The following RXRG variants were observed in gnomAD, a reference collection of about 807,000 sequenced individuals.
RXRG encodes the protein retinoid X receptor gamma, also known as retinoic acid receptor RXR-gamma.
A neutral mutation model predicts 49.2 loss-of-function variants in RXRG; 19 were observed. The ratio of observed to expected loss-of-function variants is 0.39; its 90% CI spans 0.27 to 0.57. RXRG has a LOEUF of 0.57. Among genes scored for constraint, RXRG ranks in the 20% least tolerant of loss-of-function variants. The probability of loss-of-function intolerance (pLI) is 0.64; values close to 1 mark genes in which losing one functional copy is unlikely to be tolerated. For missense variants in RXRG, 452 were observed against 592.5 expected (o/e 0.76, Z 2.46); for synonymous variants, 224 against 216.6 (o/e 1.03, Z -0.30).
intron 1 of RXRG, among the ~76,000 whole-genome samples, chr1:165,443,840 C>T (rs1659077907): frequency 6.6e-6 from 1 of 152,204 alleles, no homozygotes. Context: ...CGGAGGAAGT[C>T]TGGAGAGCAG....
At chr1:165,420,387 A>G (rs771921797) in intron 2 of RXRG, among the ~76,000 whole-genome samples, 52 of 152,212 alleles carry the variant, frequency 3.4e-4, no homozygotes, top group Admixed American at 8.5e-4. Flanking sequence ...CTGCCTATTC[A>G]GCCGTGCTGC....
At chr1:165,409,389 T>C (rs1657861060) in intron 7 of RXRG, among the ~76,000 whole-genome samples, 169 bp downstream of exon 7, 1 of 152,180 alleles carries the variant, frequency 6.6e-6, no homozygotes, top group African/African-American at 2.4e-5. Flanking sequence ...TAGTGGTCTC[T>C]GCATGGTCAT....
chr1:165,444,577 A>T (rs895192435), intron 1 of RXRG, among the ~76,000 whole-genome samples: 3 of 152,040 alleles, frequency 2.0e-5, no homozygotes, highest in Non-Finnish European at 4.4e-5. Context: ...ACACATTCTC[A>T]AGCATGTTGG....
At chr1:165,436,414 C>G (rs1658816698) in intron 1 of RXRG, among the ~76,000 whole-genome samples, 1 of 152,120 alleles carries the variant, frequency 6.6e-6, no homozygotes, top group South Asian at 2.1e-4. Flanking sequence ...TAAAATCAAG[C>G]CTGGAAAATT....
intron 4 of RXRG, among the ~76,000 whole-genome samples, chr1:165,414,780 C>A (rs892041732): frequency 1.3e-5 from 2 of 152,172 alleles, no homozygotes; most frequent in Non-Finnish European, 2.9e-5. Context: ...ATGCTCCAAT[C>A]TGTAACATCA....
Position 165,444,902 on chromosome 1 carries a change from G to T in RXRG, c.-9C>A, listed in dbSNP as rs757745078. On this transcript the variant is annotated 5_prime_UTR_variant, in exon 1 of 10. Transcript: ENST00000359842. Reference sequence around the variant, plus strand: ...GAATAATTTCCATACATGTTTACTCGTCAGTTCATGTTCCTCTCCTGTGCA... The same window carrying T: ...GAATAATTTCCATACATGTTTACTCTTCAGTTCATGTTCCTCTCCTGTGCA... The T allele has an allele frequency of 2.1e-5, 34 of 1,609,110 alleles. No homozygotes were observed. Among genetic ancestry groups the T allele is most frequent in the Admixed American group, 3.3e-5 (2 of 59,952 alleles).
chr1:165,423,551 G>T (rs157873), intron 2 of RXRG, among the ~76,000 whole-genome samples: 85,242 of 152,058 alleles, frequency 0.56, 25,095 homozygotes, highest in African/African-American at 0.74. Flanking sequence ...TCTTATAGTG[G>T]CACAGCCTTA....
rs1167361136 is a variant in RXRG at position 165,428,889 on chromosome 1, G to A, written c.127C>T (p.Pro43Ser). 6.2e-7 allele frequency: 1 copy of A among 1,614,046 alleles called. No homozygotes were observed. The highest frequency in any genetic ancestry group is 1.1e-5 in the South Asian group (1 of 91,042). Residue 43 changes from proline to serine, a missense_variant, in exon 2 of 10, where the codon CCC (proline) becomes TCC (serine). Pro to Ser is a moderately conservative substitution (Grantham distance 74, BLOSUM62 -1). Around this residue, in one of 2 missense-constraint regions of RXRG, gnomAD observed 166 missense variants for 151.7 expected, o/e 1.09. Coordinates refer to ENST00000359842, the MANE Select transcript of RXRG (RefSeq NM_006917.5). ...LSTGKPMDSH[P>S]SYTDTPVSAP... is the part of the protein sequence containing the mutation. ...CTCACTGGGGTATCTGTGTAGCTGG[G>A]GTGGCTGTCCATTGGCTTCCCTGTG...
chr1:165,418,998 T>G lies in RXRG; in HGVS notation c.442+872A>C, dbSNP rs553557147. Among the ~76,000 whole-genome samples the G allele has an allele frequency of 2.6e-5, 4 of 152,356 alleles. No individual in the cohort carries two copies. In the East Asian group the frequency reaches 7.7e-4, roughly 29 times the overall value. On this transcript the variant is annotated intron_variant, in intron 3 of 9. Coordinates refer to ENST00000359842, the MANE Select transcript of RXRG (RefSeq NM_006917.5). ...TTAAGAGTATAAGGAAATATTCAGT[T>G]AGCCATCATGGACAGCTATAGAAAA...
intron 2 of RXRG, chr1:165,424,989 T>G: frequency 5.1e-6 from 5 of 983,362 alleles, no homozygotes; most frequent in Non-Finnish European, 6.0e-6. Flanking sequence ...GCTGCTGAGC[T>G]TCCCCAGCAC....
intron 2 of RXRG, among the ~76,000 whole-genome samples, chr1:165,426,178 G>T (rs1658480403): frequency 6.6e-6 from 1 of 152,186 alleles, no homozygotes; most frequent in Non-Finnish European, 1.5e-5. Context: ...CCTGCACAAG[G>T]GTCAAAATAT....
intron 1 of RXRG, among the ~76,000 whole-genome samples, chr1:165,441,117 C>T (rs181783643): frequency 6.6e-6 from 1 of 152,326 alleles, no homozygotes; most frequent in East Asian, 1.9e-4. Flanking sequence ...TTCTCTATGG[C>T]TATTTTCAAG....
intron 7 of RXRG, among the ~76,000 whole-genome samples, 198 bp downstream of exon 7, chr1:165,409,360 G>C (rs1188129072): frequency 6.6e-6 from 1 of 152,062 alleles, no homozygotes; most frequent in Non-Finnish European, 1.5e-5. Flanking sequence ...CATTCCCCAG[G>C]TTTATAGTTT....
intron 1 of RXRG, among the ~76,000 whole-genome samples, chr1:165,441,733 G>C (rs1009249946): frequency 6.6e-6 from 1 of 152,116 alleles, no homozygotes; most frequent in Non-Finnish European, 1.5e-5. Flanking sequence ...TGGATGGGGG[G>C]GATTACAGGC....
rs774734864 is a variant in RXRG at position 165,408,323 on chromosome 1, T to C, written c.1047-5A>G. ...GAAACCAGCTCAGTTAGGACTCTGTTAACAGGAAACAAGCAGGTAATGAGA... is the reference window on the plus strand; with the variant it reads ...GAAACCAGCTCAGTTAGGACTCTGTCAACAGGAAACAAGCAGGTAATGAGA... On this transcript the variant is annotated splice_polypyrimidine_tract_variant and splice_region_variant and intron_variant, in intron 7 of 9. Coordinates refer to ENST00000359842, the MANE Select transcript of RXRG (RefSeq NM_006917.5). The C allele has an allele frequency of 6.3e-7, 1 of 1,598,480 alleles. No homozygotes were observed. Among genetic ancestry groups the C allele is most frequent in the East Asian group, 2.2e-5 (1 of 44,822 alleles).
intron 1 of RXRG, among the ~76,000 whole-genome samples, chr1:165,441,842 G>A (rs930735457): frequency 2.0e-5 from 3 of 152,174 alleles, no homozygotes; most frequent in Non-Finnish European, 2.9e-5. Context: ...CAGAGAAGGA[G>A]AAGAGAAGGT....
chr1:165,435,577 G>A (rs2101743181), intron 1 of RXRG, among the ~76,000 whole-genome samples: 1 of 152,266 alleles, frequency 6.6e-6, no homozygotes, highest in South Asian at 2.1e-4. Context: ...CAAATGGGTG[G>A]ATTATATGTA....
intron 3 of RXRG, 52 bp downstream of exon 3, chr1:165,419,818 A>T: frequency 6.8e-7 from 1 of 1,477,104 alleles, no homozygotes; most frequent in Admixed American, 2.0e-5. Flanking sequence ...GCAGACAGTG[A>T]GCAGCCCCTT....
At chr1:165,439,651 T>C (rs1187868420) in intron 1 of RXRG, among the ~76,000 whole-genome samples, 1 of 152,222 alleles carries the variant, frequency 6.6e-6, no homozygotes, top group Non-Finnish European at 1.5e-5. Context: ...TTTTCCCCAC[T>C]GAGGAAGCCA....
Sources: allele counts gnomAD v4.1 joint callset (sites outside exome capture counted in the v4.1 genomes callset), GRCh38; gene constraint gnomAD v4.1.1; regional missense constraint gnomAD v4.1.1; transcripts MANE v1.5; gene names NCBI Gene and HGNC (gene_info 2026-07-23, HGNC 2026-07-21).